Variants in DLGAP2 observed in about 807,000 individuals in gnomAD.
The protein encoded by DLGAP2 is disks large-associated protein 2.
DLGAP2 carries 26 observed loss-of-function variants against 100.3 expected under a neutral mutation model. The observed-to-expected ratio is 0.26, with a 90% CI of 0.19 to 0.36. The LOEUF (loss-of-function observed/expected upper bound fraction) is 0.36, where lower values mean the gene tolerates loss of function less well. Ranked by LOEUF, DLGAP2 falls within the 10% of genes least tolerant of loss-of-function variation. The pLI, the probability that DLGAP2 is intolerant of heterozygous loss-of-function variation, is 1.00. For missense variants in DLGAP2, 1,858 were observed against 1,453.2 expected, an observed-to-expected ratio of 1.28 and a Z score of -4.53; for synonymous variants, 886 against 630.1, an observed-to-expected ratio of 1.41 and a Z score of -6.08.
At chr8:1,640,957 T>C (rs1288914602) in intron 8 of DLGAP2, among the ~76,000 whole-genome samples, 1 of 152,192 alleles carries the variant, frequency 6.6e-6, no homozygotes, top group Non-Finnish European at 1.5e-5. Context: ...CGGTTGGCCC[T>C]GGGGACCGGT....
chr8:1,283,218 C>A (rs1334368149), intron 3 of DLGAP2, among the ~76,000 whole-genome samples: 8 of 151,376 alleles, frequency 5.3e-5, no homozygotes, highest in Non-Finnish European at 1.0e-4. Flanking sequence ...GACCTGAACC[C>A]AGCGCCCTGA....
At chr8:967,778 T>TATAC (rs1584932409) in intron 2 of DLGAP2, among the ~76,000 whole-genome samples, 2 of 37,356 alleles carry the variant, frequency 5.4e-5, no homozygotes, top group South Asian at 2.5e-3. Flanking sequence ...TATATATATA[T>TATAC]GTATATATAT....
chr8:753,920 C>A (rs977278680), intron 1 of DLGAP2: 1 of 152,224 alleles, frequency 6.6e-6, no homozygotes, highest in Admixed American at 6.5e-5. Context: ...GCAGGAAGGG[C>A]CTTCGCGGCC....
chr8:1,504,607 CT>C (rs1231624182), intron 4 of DLGAP2, among the ~76,000 whole-genome samples: 10 of 152,308 alleles, frequency 6.6e-5, no homozygotes, highest in African/African-American at 2.4e-4. Context: ...GAGTTCTATG[CT>C]TTCAGATTCC....
chr8:1,069,740 T>C (rs565007862), intron 2 of DLGAP2, among the ~76,000 whole-genome samples: 131 of 152,340 alleles, frequency 8.6e-4, no homozygotes, highest in African/African-American at 3.0e-3. Context: ...TGCTGAGTGC[T>C]GGCCTGAGGG....
intron 2 of DLGAP2, among the ~76,000 whole-genome samples, chr8:1,154,406 C>G (rs556857469): frequency 1.3e-5 from 2 of 151,738 alleles, no homozygotes; most frequent in African/African-American, 4.9e-5. Flanking sequence ...TCCAGATGCC[C>G]CTCTCTTCCA....
intron 1 of DLGAP2, among the ~76,000 whole-genome samples, chr8:844,433 A>T (rs1017069911): frequency 6.6e-6 from 1 of 152,204 alleles, no homozygotes; most frequent in African/African-American, 2.4e-5. Flanking sequence ...CCCCCTTTCC[A>T]GCCGTGCTGT....
chr8:952,033 G>C (rs535329648), intron 2 of DLGAP2, among the ~76,000 whole-genome samples: 1 of 152,346 alleles, frequency 6.6e-6, no homozygotes, highest in African/African-American at 2.4e-5. Context: ...CCCTCTCCCA[G>C]TGGGTTCTCC....
intron 2 of DLGAP2, among the ~76,000 whole-genome samples, chr8:1,118,431 C>T (rs1350971186): frequency 6.6e-6 from 1 of 152,164 alleles, no homozygotes; most frequent in Non-Finnish European, 1.5e-5. Context: ...ATTTTAGCTG[C>T]CAAGAAAAGC....
chr8:867,375 A>G (rs1585951596), intron 1 of DLGAP2, among the ~76,000 whole-genome samples: 1 of 152,210 alleles, frequency 6.6e-6, no homozygotes, highest in South Asian at 2.1e-4. Context: ...TGATTATCCT[A>G]ATTTGCTGGA....
chr8:1,643,735 G>C (rs867090147), intron 8 of DLGAP2, among the ~76,000 whole-genome samples: 71 of 132 alleles, frequency 0.54, 12 homozygotes, highest in Admixed American at 0.6. Context: ...TGTCACCCTC[G>C]ACCCCGCCGG....
At position 1,516,993 on chromosome 8, in the gene DLGAP2, C is replaced by T. The variant is rs1418986091; in HGVS notation, c.172+15562C>T. Among the ~76,000 whole-genome samples the T allele has an allele frequency of 2.6e-5, 4 of 152,148 alleles. No homozygotes were observed. In the East Asian group the frequency reaches 5.8e-4, roughly 22 times the overall value. ...CAGGCAGCGAGAGCCTGCCAGTCCC[C>T]AACAGCCCCAGGGTGCAGAGGTGAG... is the stretch of plus-strand genomic sequence containing the variant. On this transcript the variant is annotated intron_variant, in intron 4 of 14. Transcript: ENST00000637795.
chr8:1,194,560 A>G (rs1797709730), intron 2 of DLGAP2, among the ~76,000 whole-genome samples: 1 of 152,178 alleles, frequency 6.6e-6, no homozygotes, highest in Admixed American at 6.5e-5. Context: ...TGCAGAGTTC[A>G]GGACCAGTCA....
At chr8:1,383,509 C>T (rs10866923) in intron 3 of DLGAP2, among the ~76,000 whole-genome samples, 14 of 152,026 alleles carry the variant, frequency 9.2e-5, no homozygotes, top group East Asian at 3.9e-4. Context: ...CTCAAGGAGG[C>T]AAATGGTTTA....
At chr8:1,512,764 A>T (rs1431173425) in intron 4 of DLGAP2, among the ~76,000 whole-genome samples, 2 of 152,258 alleles carry the variant, frequency 1.3e-5, no homozygotes, top group African/African-American at 4.8e-5. Flanking sequence ...TTGACTTATC[A>T]ATCTAAAGGT....
intron 1 of DLGAP2, among the ~76,000 whole-genome samples, chr8:810,299 G>A (rs1209228983): frequency 6.6e-6 from 1 of 152,102 alleles, no homozygotes; most frequent in Non-Finnish European, 1.5e-5. Flanking sequence ...AATACATTTT[G>A]TACTGAAATG....
chr8:1,557,761 G>GC (rs1802016891), intron 5 of DLGAP2, among the ~76,000 whole-genome samples: 2 of 152,182 alleles, frequency 1.3e-5, no homozygotes, highest in Admixed American at 6.5e-5. Flanking sequence ...TCATAGGGTT[G>GC]CCCCCTCTCT....
intron 1 of DLGAP2, among the ~76,000 whole-genome samples, chr8:812,476 T>C (rs1018373038): frequency 1.3e-5 from 2 of 152,066 alleles, no homozygotes; most frequent in Non-Finnish European, 2.9e-5. Flanking sequence ...GAATGTAAAA[T>C]TGAAGAAAGG....
At chr8:1,043,626 G>T (rs1435712835) in intron 2 of DLGAP2, among the ~76,000 whole-genome samples, 1 of 152,054 alleles carries the variant, frequency 6.6e-6, no homozygotes, top group African/African-American at 2.4e-5. Context: ...GGGGAAGGGG[G>T]ATGAAGGGGG....
Sources: allele counts gnomAD v4.1 joint callset (sites outside exome capture counted in the v4.1 genomes callset), GRCh38; gene constraint gnomAD v4.1.1; transcripts MANE v1.5; gene names NCBI Gene and HGNC (gene_info 2026-07-23, HGNC 2026-07-21).